Variants in CSMD1 observed in about 807,000 individuals in gnomAD.
CSMD1 encodes CUB and sushi domain-containing protein 1.
In CSMD1, 213 loss-of-function variants were observed where a neutral mutation model predicts 417.5. That is an observed-to-expected ratio of 0.51 (90% CI 0.46 to 0.57). CSMD1 has a LOEUF of 0.57. Among genes scored for constraint, CSMD1 ranks in the 20% least tolerant of loss-of-function variants. The probability of loss-of-function intolerance (pLI) is 0.00; values close to 1 mark genes in which losing one functional copy is unlikely to be tolerated. For missense variants in CSMD1, 6,923 were observed against 4,529.7 expected (o/e 1.53, Z -15.17); for synonymous variants, 2,862 against 1,736.8 (o/e 1.65, Z -16.11).
intron 2 of CSMD1, among the ~76,000 whole-genome samples, chr8:4,611,540 T>C (rs189709320): frequency 2.0e-5 from 3 of 152,296 alleles, no homozygotes; most frequent in South Asian, 2.1e-4. Context: ...GACCCGTATA[T>C]GTATTGCCAA....
At chr8:4,943,325 C>A (rs75928345) in intron 1 of CSMD1, among the ~76,000 whole-genome samples, 41,824 of 151,710 alleles carry the variant, frequency 0.28, 7,407 homozygotes, top group Non-Finnish European at 0.4. Context: ...GAAAACCCGT[C>A]TCTACTAAAA....
chr8:4,140,821 C>T (rs1803742144), intron 3 of CSMD1, among the ~76,000 whole-genome samples: 1 of 150,974 alleles, frequency 6.6e-6, no homozygotes, highest in Admixed American at 6.6e-5. Flanking sequence ...ATGGGCTCAG[C>T]ACCCTCACTC....
chr8:4,334,156 C>G (rs1365083813), intron 3 of CSMD1, among the ~76,000 whole-genome samples: 1 of 152,104 alleles, frequency 6.6e-6, no homozygotes, highest in Non-Finnish European at 1.5e-5. Flanking sequence ...ATCCTCTGGC[C>G]TCAGCTTCCC....
At chr8:4,206,399 C>A (rs78078040) in intron 3 of CSMD1, among the ~76,000 whole-genome samples, 1 of 151,852 alleles carries the variant, frequency 6.6e-6, no homozygotes, top group Non-Finnish European at 1.5e-5. Context: ...CTGTCTCCAA[C>A]TGTTCAGTTC....
At position 4,365,469 on chromosome 8, in the gene CSMD1, T is replaced by A. The variant is rs79522160; in HGVS notation, c.415+54484A>T. 3.3e-3 allele frequency among the ~76,000 whole-genome samples: 506 copies of A among 152,350 alleles called. 24 individuals carry two copies. In the East Asian group the frequency reaches 0.084, roughly 25 times the overall value. On this transcript the variant is annotated intron_variant, in intron 3 of 69. Transcript: ENST00000635120. ...TTCTTTTTAGATTGTCTGTTCTTTT[T>A]CTCCAAGTCTACTGGCCTTAGGGCA...
intron 3 of CSMD1, among the ~76,000 whole-genome samples, chr8:4,397,545 T>C (rs960853367): frequency 1.4e-4 from 20 of 142,040 alleles, no homozygotes; most frequent in Admixed American, 1.3e-3. Context: ...TTTTTTTTTT[T>C]TTTTTTTGAG....
At chr8:3,261,020 AAAC>A (rs1031378409) in intron 26 of CSMD1, among the ~76,000 whole-genome samples, 1 of 152,216 alleles carries the variant, frequency 6.6e-6, no homozygotes, top group African/African-American at 2.4e-5. Context: ...ATACCAAAAA[AAAC>A]CTTTCACTGT....
At chr8:3,490,185 GC>G (rs1259184966) in intron 11 of CSMD1, among the ~76,000 whole-genome samples, 1 of 152,146 alleles carries the variant, frequency 6.6e-6, no homozygotes, top group Non-Finnish European at 1.5e-5. Context: ...CTCTTCTGCA[GC>G]TGATTAAATG....
intron 52 of CSMD1, among the ~76,000 whole-genome samples, chr8:3,000,433 T>TTA (rs1807301807): frequency 6.6e-6 from 1 of 152,082 alleles, no homozygotes; most frequent in Non-Finnish European, 1.5e-5. Context: ...ATTTACCTTG[T>TTA]TATACTATTT....
intron 1 of CSMD1, among the ~76,000 whole-genome samples, chr8:4,965,934 T>A (rs1809828182): frequency 6.6e-6 from 1 of 152,200 alleles, no homozygotes; most frequent in Non-Finnish European, 1.5e-5. Flanking sequence ...AATTTGAGAA[T>A]GATCTCTCAA....
chr8:3,221,160 G>A (rs1341543686), intron 28 of CSMD1, among the ~76,000 whole-genome samples: 3 of 152,164 alleles, frequency 2.0e-5, no homozygotes, highest in African/African-American at 7.2e-5. Flanking sequence ...GGGGAACAGA[G>A]AACGTGGTAC....
At chr8:4,627,742 T>G (rs1802204088) in intron 2 of CSMD1, among the ~76,000 whole-genome samples, 1 of 152,112 alleles carries the variant, frequency 6.6e-6, no homozygotes, top group Non-Finnish European at 1.5e-5. Context: ...CCTCAGCCAG[T>G]TCCAGCTAAC....
intron 1 of CSMD1, among the ~76,000 whole-genome samples, chr8:4,666,093 C>G (rs1236049477): frequency 6.6e-6 from 1 of 152,068 alleles, no homozygotes; most frequent in African/African-American, 2.4e-5. Context: ...TTCTAGGTAA[C>G]GTTTCTGTGG....
chr8:3,087,389 A>G (rs755184565), intron 48 of CSMD1, 104 bp from the exon 49 acceptor site: 13 of 1,207,958 alleles, frequency 1.1e-5, no homozygotes, highest in Non-Finnish European at 1.5e-5. Context: ...TCATTTCCAA[A>G]AGGTAGGAAA....
rs397790425 is a variant in CSMD1 at position 4,181,367 on chromosome 8, A to ATTT, written c.416-149271_416-149269dup. Among the ~76,000 whole-genome samples the ATTT allele has an allele frequency of 3.3e-3, 490 of 150,392 alleles. 4 individuals are homozygous for ATTT. Among genetic ancestry groups the ATTT allele is most frequent in the African/African-American group, 0.012 (474 of 40,834 alleles). ...GGTACGGTTTCTCATTTATTTATTT[A>ATTT]TTTTTTTTTTGAATGCTTAAACTAT... On this transcript the variant is annotated intron_variant, in intron 3 of 69. Coordinates refer to ENST00000635120, the MANE Select transcript of CSMD1 (RefSeq NM_033225.6).
At chr8:3,496,475 T>C (rs1338660085) in intron 10 of CSMD1, among the ~76,000 whole-genome samples, 1 of 152,242 alleles carries the variant, frequency 6.6e-6, no homozygotes, top group East Asian at 1.9e-4. Context: ...GAAATCTTTC[T>C]ACTTTTTTGA....
At chr8:4,410,522 G>A (rs940056422) in intron 3 of CSMD1, among the ~76,000 whole-genome samples, 2 of 152,174 alleles carry the variant, frequency 1.3e-5, no homozygotes, top group Non-Finnish European at 2.9e-5. Context: ...GAGACAGAAA[G>A]AGACTATTAG....
intron 12 of CSMD1, among the ~76,000 whole-genome samples, chr8:3,414,080 A>G (rs554794574): frequency 3.6e-4 from 55 of 150,854 alleles, no homozygotes; most frequent in Admixed American, 2.5e-3. Flanking sequence ...TGGACGTTGC[A>G]GTGAGCCAAG....
chr8:4,213,987 A>C (rs1800478603), intron 3 of CSMD1, among the ~76,000 whole-genome samples: 1 of 152,214 alleles, frequency 6.6e-6, no homozygotes, highest in African/African-American at 2.4e-5. Context: ...TTCAAGGCAC[A>C]CAAACAGAAA....
Sources: gnomAD v4.1 joint callset for allele counts (sites outside exome capture counted in the v4.1 genomes callset) on GRCh38, gnomAD v4.1.1 for gene constraint, MANE v1.5 for transcripts, NCBI Gene and HGNC (gene_info 2026-07-23, HGNC 2026-07-21) for gene names.